KCNH1: variants seen among roughly 807,000 people sequenced by gnomAD.
The protein encoded by KCNH1 is potassium voltage-gated channel subfamily H member 1.
KCNH1 carries 27 observed loss-of-function variants against 69.2 expected under a neutral mutation model. That is an observed-to-expected ratio of 0.39 (90% CI 0.29 to 0.54). The LOEUF is 0.54. Ranked by LOEUF, KCNH1 falls within the 20% of genes least tolerant of loss-of-function variation. The pLI, the probability that KCNH1 is intolerant of heterozygous loss-of-function variation, is 0.68. For synonymous variants in KCNH1, 456 were observed against 487.7 expected (o/e 0.93, Z 0.86); for missense variants, 798 against 1,261.6 (o/e 0.63, Z 5.57).
chr1:210,861,189 C>G, intron 7 of KCNH1: 1 of 962,696 alleles, frequency 1.0e-6, no homozygotes. Flanking sequence ...AGTTCCTCAT[C>G]AGCATCTGTA....
intron 10 of KCNH1, among the ~76,000 whole-genome samples, chr1:210,767,515 C>T (rs1437930914): frequency 2.0e-5 from 3 of 152,180 alleles, no homozygotes; most frequent in African/African-American, 4.8e-5. Flanking sequence ...CATCTAGACC[C>T]TGCTTCCTAA....
intron 5 of KCNH1, among the ~76,000 whole-genome samples, chr1:211,044,703 CA>C (rs1356903453): frequency 1.3e-5 from 2 of 152,028 alleles, no homozygotes; most frequent in African/African-American, 4.8e-5. Context: ...ATCAAAACCA[CA>C]ATGTGATACC....
chr1:210,683,199 T>A lies in KCNH1; in HGVS notation c.*82A>T. ...GAAAAGCCTACTTGAAAATTGTTGG[T>A]CATGTGGACATATGTGGTAGGGGTG... is the stretch of plus-strand genomic sequence containing the variant. On this transcript the variant is annotated 3_prime_UTR_variant, in exon 11 of 11. Coordinates refer to ENST00000271751, the MANE Select transcript of KCNH1 (RefSeq NM_172362.3). This position sits in a 1 kb window ranked among gnomAD's most constrained non-coding sequence, Gnocchi z 5.7. 7.5e-7 allele frequency: 1 copy of A among 1,342,062 alleles called. No individual in the cohort carries two copies. The highest frequency in any genetic ancestry group is 1.4e-5 in the South Asian group (1 of 71,468). The allele number at this position is 1,342,062 out of a possible 1,614,324, so 83.1% of individuals were successfully genotyped here.
At chr1:211,052,123 A>G (rs779630190) in intron 5 of KCNH1, among the ~76,000 whole-genome samples, 22 of 152,242 alleles carry the variant, frequency 1.4e-4, no homozygotes, top group Non-Finnish European at 1.2e-4. Flanking sequence ...TTATTAAAAC[A>G]TAATAAATAC....
chr1:210,710,807 C>G (rs747752498), intron 10 of KCNH1, among the ~76,000 whole-genome samples: 1 of 152,064 alleles, frequency 6.6e-6, no homozygotes. Flanking sequence ...ATTCAACAGT[C>G]GCAACCTTGT....
intron 5 of KCNH1, among the ~76,000 whole-genome samples, chr1:211,034,972 T>C (rs1481798247): frequency 6.6e-6 from 1 of 152,192 alleles, no homozygotes; most frequent in Non-Finnish European, 1.5e-5. Flanking sequence ...TATTTCTAGG[T>C]GGATTTCCCA....
At chr1:210,700,060 G>A (rs964977937) in intron 10 of KCNH1, among the ~76,000 whole-genome samples, 11 of 152,148 alleles carry the variant, frequency 7.2e-5, no homozygotes, top group African/African-American at 2.7e-4. Context: ...CCTCTGTCCT[G>A]CTACTGCCCC....
intron 7 of KCNH1, among the ~76,000 whole-genome samples, chr1:210,853,965 AAAAG>A (rs1685771302): frequency 6.6e-6 from 1 of 150,706 alleles, no homozygotes; most frequent in Non-Finnish European, 1.5e-5. Context: ...AAAAAAAAAA[AAAAG>A]AAACCAAAGT....
intron 10 of KCNH1, among the ~76,000 whole-genome samples, chr1:210,715,294 G>A (rs966088113): frequency 1.3e-5 from 2 of 152,140 alleles, no homozygotes; most frequent in Non-Finnish European, 2.9e-5. Context: ...CCTGCAAGAG[G>A]GTAGGGAGGG....
intron 8 of KCNH1, 67 bp downstream of exon 8, chr1:210,803,900 G>A (rs1443241909): frequency 7.0e-7 from 1 of 1,422,240 alleles, no homozygotes. Flanking sequence ...ACTGTCTTAG[G>A]CAAGCCTCAA....
intron 10 of KCNH1, among the ~76,000 whole-genome samples, chr1:210,709,582 T>A (rs191155038): frequency 2.0e-3 from 307 of 152,158 alleles, no homozygotes; most frequent in African/African-American, 7.0e-3. Context: ...TGAAGCTAAG[T>A]TAAGAGTCAG....
chr1:210,816,877 G>C (rs1312773053), intron 7 of KCNH1, among the ~76,000 whole-genome samples: 2 of 152,112 alleles, frequency 1.3e-5, no homozygotes, highest in African/African-American at 2.4e-5. Flanking sequence ...AAATAGAAGT[G>C]AAAAACTTTT....
At chr1:211,051,037 A>G (rs2102440839) in intron 5 of KCNH1, among the ~76,000 whole-genome samples, 1 of 145,114 alleles carries the variant, frequency 6.9e-6, no homozygotes, top group Non-Finnish European at 1.5e-5. Context: ...TTGCTCCATC[A>G]CCCCAGCTGG....
intron 1 of KCNH1, among the ~76,000 whole-genome samples, chr1:211,118,574 CAT>C (rs1691628335): frequency 6.6e-6 from 1 of 152,180 alleles, no homozygotes; most frequent in Non-Finnish European, 1.5e-5. Flanking sequence ...CCTCAGCCCA[CAT>C]AGTTTTCCTC....
chr1:210,975,686 A>C (rs540811863), intron 6 of KCNH1, among the ~76,000 whole-genome samples: 7 of 152,360 alleles, frequency 4.6e-5, no homozygotes, highest in Admixed American at 4.6e-4. Context: ...GGACATGGGC[A>C]TAGGCAAGGA....
intron 6 of KCNH1, among the ~76,000 whole-genome samples, chr1:210,924,989 A>G (rs559625592): frequency 3.4e-4 from 52 of 152,314 alleles, no homozygotes; most frequent in Non-Finnish European, 5.7e-4. Context: ...GCTATAGGAC[A>G]TACTTACAGA....
chr1:210,852,632 C>T (rs924006373), intron 7 of KCNH1, among the ~76,000 whole-genome samples: 2 of 152,088 alleles, frequency 1.3e-5, no homozygotes, highest in Admixed American at 1.3e-4. Flanking sequence ...AGAGCCCCTA[C>T]CTCAACCACC....
chr1:211,072,947 A>G (rs2102459228), intron 5 of KCNH1, among the ~76,000 whole-genome samples: 1 of 152,354 alleles, frequency 6.6e-6, no homozygotes, highest in East Asian at 1.9e-4. Flanking sequence ...GACCGGATGA[A>G]AAAACAAGAC....
At chr1:210,857,188 T>C (rs1402289061) in intron 7 of KCNH1, among the ~76,000 whole-genome samples, 2 of 151,720 alleles carry the variant, frequency 1.3e-5, no homozygotes, top group African/African-American at 4.8e-5. Flanking sequence ...AGGTTACTGT[T>C]CACACCAGCG....
Sources: allele counts gnomAD v4.1 joint callset (sites outside exome capture counted in the v4.1 genomes callset), GRCh38; gene constraint gnomAD v4.1.1; non-coding constraint Gnocchi (gnomAD v3.1); transcripts MANE v1.5; gene names NCBI Gene and HGNC (gene_info 2026-07-23, HGNC 2026-07-21).